ESRRG: variants seen among roughly 807,000 people sequenced by gnomAD.
ESRRG encodes estrogen-related receptor gamma.
ESRRG carries 13 observed loss-of-function variants against 44.0 expected under a neutral mutation model. The ratio of observed to expected loss-of-function variants is 0.30; its 90% CI spans 0.19 to 0.47. The LOEUF (loss-of-function observed/expected upper bound fraction) is 0.47. Among genes scored for constraint, ESRRG ranks in the 20% least tolerant of loss-of-function variants. The pLI is 1.00. For synonymous variants in ESRRG, 215 were observed against 214.6 expected (o/e 1.00, Z -0.02); for missense variants, 395 against 580.6 (o/e 0.68, Z 3.29).
At chr1:217,108,609 C>G (rs913264475) in intron 1 of ESRRG, among the ~76,000 whole-genome samples, 1 of 152,036 alleles carries the variant, frequency 6.6e-6, no homozygotes, top group Non-Finnish European at 1.5e-5. Flanking sequence ...ATAGTTCTCA[C>G]AAGACTGGGT....
chr1:216,577,747 G>A (rs143871072), intron 3 of ESRRG, among the ~76,000 whole-genome samples: 1 of 152,002 alleles, frequency 6.6e-6, no homozygotes, highest in African/African-American at 2.4e-5. Context: ...GATCAAAAAA[G>A]CAGACATGGA....
intron 2 of ESRRG, among the ~76,000 whole-genome samples, chr1:216,768,804 T>C (rs2093239345): frequency 6.6e-6 from 1 of 152,106 alleles, no homozygotes; most frequent in Admixed American, 6.6e-5. Flanking sequence ...GTGAGGTAAA[T>C]ATTATATAAA....
chr1:216,850,178 T>A (rs1312583591), intron 2 of ESRRG, among the ~76,000 whole-genome samples: 1 of 152,110 alleles, frequency 6.6e-6, no homozygotes, highest in East Asian at 1.9e-4. Context: ...ATTGGCATCA[T>A]CCAAATAAAT....
chr1:216,580,309 T>C (rs2062510775), intron 3 of ESRRG, among the ~76,000 whole-genome samples: 1 of 152,188 alleles, frequency 6.6e-6, no homozygotes, highest in Admixed American at 6.6e-5. Flanking sequence ...TAATTCTTGT[T>C]TGGCGTGTTT....
At chr1:216,804,657 T>C (rs1363760738) in intron 2 of ESRRG, among the ~76,000 whole-genome samples, 1 of 152,014 alleles carries the variant, frequency 6.6e-6, no homozygotes, top group Non-Finnish European at 1.5e-5. Context: ...TTTTTTTAAA[T>C]GACCAAATTA....
intron 2 of ESRRG, among the ~76,000 whole-genome samples, chr1:216,786,742 G>A (rs888400615): frequency 6.6e-6 from 1 of 152,098 alleles, no homozygotes; most frequent in Non-Finnish European, 1.5e-5. Flanking sequence ...TTTCTTTACA[G>A]AGGCATTGGA....
At chr1:216,720,550 C>T (rs936541518) in intron 1 of ESRRG, among the ~76,000 whole-genome samples, 2 of 152,084 alleles carry the variant, frequency 1.3e-5, no homozygotes, top group African/African-American at 4.8e-5. Context: ...AAGGCATCCC[C>T]TCTGATCTCG....
intron 1 of ESRRG, among the ~76,000 whole-genome samples, chr1:217,134,703 C>A (rs1455656816): frequency 6.6e-6 from 1 of 152,230 alleles, no homozygotes; most frequent in South Asian, 2.1e-4. Context: ...CTCTTCCCCG[C>A]GTGTTTGGCG....
intron 2 of ESRRG, chr1:216,865,255 T>C (rs1314443992): frequency 8.8e-6 from 1 of 113,152 alleles, no homozygotes; most frequent in Non-Finnish European, 1.8e-5. Context: ...ACCAAAGAAA[T>C]TTCACTCTCA....
intron 2 of ESRRG, among the ~76,000 whole-genome samples, chr1:216,866,266 A>C (rs1311546666): frequency 6.6e-6 from 1 of 152,222 alleles, no homozygotes; most frequent in Admixed American, 6.5e-5. Flanking sequence ...CAGTGTAGTA[A>C]GTGACCACAG....
chr1:216,867,185 C>A (rs998048310), intron 2 of ESRRG, among the ~76,000 whole-genome samples: 13 of 152,090 alleles, frequency 8.5e-5, no homozygotes, highest in Non-Finnish European at 8.8e-5. Context: ...AACTGAGGCA[C>A]AGAACAAAAT....
intron 5 of ESRRG, among the ~76,000 whole-genome samples, chr1:216,529,252 C>A (rs2048563053): frequency 6.6e-6 from 1 of 152,030 alleles, no homozygotes; most frequent in Non-Finnish European, 1.5e-5. Flanking sequence ...GAAGCAGGAA[C>A]CAAAAACATT....
chr1:217,120,430 T>G (rs751429051), intron 1 of ESRRG, among the ~76,000 whole-genome samples: 7 of 151,128 alleles, frequency 4.6e-5, no homozygotes, highest in African/African-American at 1.5e-4. Flanking sequence ...ATACTCAAAT[T>G]CATTCTTCAC....
intron 2 of ESRRG, among the ~76,000 whole-genome samples, chr1:216,876,353 A>G (rs971242709): frequency 3.9e-5 from 6 of 152,164 alleles, no homozygotes; most frequent in Non-Finnish European, 8.8e-5. Context: ...CATTACTGAC[A>G]TTCTGAAGGA....
chr1:216,977,740 C>T (rs1410633037), intron 1 of ESRRG, among the ~76,000 whole-genome samples: 1 of 152,130 alleles, frequency 6.6e-6, no homozygotes, highest in Non-Finnish European at 1.5e-5. Flanking sequence ...AATGTCCCCA[C>T]CAAAACTCAT....
intron 2 of ESRRG, among the ~76,000 whole-genome samples, chr1:216,656,163 G>A (rs908044436): frequency 2.0e-5 from 3 of 152,158 alleles, no homozygotes; most frequent in African/African-American, 7.2e-5. Flanking sequence ...AGAAGTTATT[G>A]TTCACAGCAT....
At chr1:216,823,829 T>A (rs949600063) in intron 2 of ESRRG, among the ~76,000 whole-genome samples, 2 of 152,164 alleles carry the variant, frequency 1.3e-5, no homozygotes, top group African/African-American at 4.8e-5. Context: ...TCCTGGCCTA[T>A]GATTTTATAA....
Position 217,134,410 on chromosome 1 carries a change from C to T in ESRRG, c.-230+3257G>A, listed in dbSNP as rs181708439. ...TGCCTAAGAAGTTGATCTCGATGCG[C>T]GCAGTGAGGGCACAGGGCCCTGCGC... On this transcript the variant is annotated intron_variant, in intron 1 of 8. Transcript: ENST00000366940. Among the ~76,000 whole-genome samples the T allele has an allele frequency of 3.3e-5, 5 of 152,332 alleles. No individual in the cohort carries two copies. In the East Asian group the frequency reaches 9.7e-4, roughly 29 times the overall value.
At chr1:217,103,714 C>T (rs571764652) in intron 1 of ESRRG, among the ~76,000 whole-genome samples, 31 of 151,928 alleles carry the variant, frequency 2.0e-4, no homozygotes, top group African/African-American at 7.2e-4. Context: ...AAGGGAATGA[C>T]ATGATTGTAC....
Sources: allele counts gnomAD v4.1 joint callset (sites outside exome capture counted in the v4.1 genomes callset), GRCh38; gene constraint gnomAD v4.1.1; transcripts MANE v1.5; gene names NCBI Gene and HGNC (gene_info 2026-07-23, HGNC 2026-07-21).